Variants in HIBCH observed in about 807,000 individuals in gnomAD.
HIBCH encodes the protein 3-hydroxyisobutyryl-CoA hydrolase.
HIBCH carries 50 observed loss-of-function variants against 58.2 expected under a neutral mutation model. The ratio of observed to expected loss-of-function variants is 0.86; its 90% CI spans 0.68 to 1.09. The LOEUF is 1.09. Among genes scored for constraint, HIBCH ranks in the 50% least tolerant of loss-of-function variants. The pLI is 0.00. For missense variants in HIBCH, 450 were observed against 449.7 expected, an observed-to-expected ratio of 1.00 and a Z score of -0.01; for synonymous variants, 151 against 146.9, an observed-to-expected ratio of 1.03 and a Z score of -0.20.
chr2:190,205,744 C>T (rs1690374231), intron 13 of HIBCH, among the ~76,000 whole-genome samples: 1 of 152,124 alleles, frequency 6.6e-6, no homozygotes, highest in African/African-American at 2.4e-5. Flanking sequence ...CCAGTTCAGA[C>T]AGCTCTGGAT....
At position 190,243,601 on chromosome 2, in the gene HIBCH, C is replaced by T. The variant is rs1686514848; in HGVS notation, c.891+1286G>A. ...CTACCTGCTCTAATTTATGCCCATC[C>T]TTGAAAGTTAACAAAATTTTAATAC... On this transcript the variant is annotated intron_variant, in intron 11 of 13. Transcript: ENST00000359678. The surrounding 1 kb of genome is among the most constrained non-coding windows in gnomAD (Gnocchi z 4.1). Among the ~76,000 whole-genome samples, 1 of 152,100 alleles carries T rather than the reference C, an allele frequency of 6.6e-6. No homozygotes were observed. Among genetic ancestry groups the T allele is most frequent in the African/African-American group, 2.4e-5 (1 of 41,414 alleles).
chr2:190,299,822 C>T (rs1052883996), intron 2 of HIBCH, among the ~76,000 whole-genome samples: 7 of 152,130 alleles, frequency 4.6e-5, no homozygotes, highest in Non-Finnish European at 8.8e-5. Flanking sequence ...TCCTCCTATC[C>T]TCGACTCTCA....
At chr2:190,212,919 A>G in intron 12 of HIBCH, 37 bp downstream of exon 12, 1 of 1,562,110 alleles carries the variant, frequency 6.4e-7, no homozygotes, top group Non-Finnish European at 8.8e-7. Context: ...TGTTACTTTT[A>G]GAACTAAAAA....
At position 190,298,380 on chromosome 2, in the gene HIBCH, C is replaced by T. The variant is rs1022569249; in HGVS notation, c.79-1427G>A. On this transcript the variant is annotated intron_variant, in intron 2 of 13. Coordinates refer to ENST00000359678, the MANE Select transcript of HIBCH (RefSeq NM_014362.4). ...TACACTCCCACCAACAGCGTAAAAG[C>T]GTTCTTATTTCTCCGCAGCCTCACC... is the stretch of plus-strand genomic sequence containing the variant. 3.4e-5 allele frequency among the ~76,000 whole-genome samples: 5 copies of T among 148,220 alleles called. No individual in the cohort carries two copies. In the East Asian group the frequency reaches 5.8e-4, roughly 17 times the overall value.
intron 8 of HIBCH, among the ~76,000 whole-genome samples, chr2:190,250,822 C>A (rs1236077633): frequency 2.6e-5 from 4 of 152,168 alleles, no homozygotes; most frequent in African/African-American, 7.2e-5. Context: ...CAAAGCTCAT[C>A]AACATAAAAA....
chr2:190,198,517 A>T (rs558383744), intron 1 of HIBCH, among the ~76,000 whole-genome samples: 5 of 151,420 alleles, frequency 3.3e-5, no homozygotes, highest in Non-Finnish European at 5.9e-5. Flanking sequence ...CCTGCAGGCC[A>T]GCTACTCAGT....
At position 190,279,253 on chromosome 2, in the gene HIBCH, T is replaced by G. The variant is rs991741032; in HGVS notation, c.438+8333A>C. The stretch of plus-strand genomic sequence containing the variant: ...CTACCCTCATGACCCCATCACCTCT[T>G]GAAGGCCTCACTTCTTAATACTGTT... On this transcript the variant is annotated intron_variant, in intron 6 of 13. Coordinates refer to ENST00000359678, the MANE Select transcript of HIBCH (RefSeq NM_014362.4). The surrounding 1 kb of genome is among the most constrained non-coding windows in gnomAD (Gnocchi z 4.2). Among the ~76,000 whole-genome samples, 1 of 150,222 alleles carries G rather than the reference T, an allele frequency of 6.7e-6. No individual in the cohort carries two copies. Among genetic ancestry groups the G allele is most frequent in the Non-Finnish European group, 1.5e-5 (1 of 68,016 alleles).
chr2:190,293,460 AAAAAT>A (rs940200125), intron 4 of HIBCH, among the ~76,000 whole-genome samples: 45 of 151,986 alleles, frequency 3.0e-4, no homozygotes, highest in African/African-American at 1.0e-3. Context: ...TCTCAAAAAA[AAAAAT>A]AAATAAATAA....
intron 1 of HIBCH, among the ~76,000 whole-genome samples, chr2:190,313,057 C>T (rs1179281396): frequency 6.6e-6 from 1 of 152,212 alleles, no homozygotes; most frequent in Non-Finnish European, 1.5e-5. Flanking sequence ...AAAGTTTCCT[C>T]TTCAAAGTTT....
downstream of HIBCH, among the ~76,000 whole-genome samples, chr2:190,198,969 G>A (rs1030296597): frequency 6.6e-6 from 1 of 152,148 alleles, no homozygotes; most frequent in Admixed American, 6.6e-5. Flanking sequence ...CTTAATCTGA[G>A]CTTCTGTACA....
At chr2:190,260,355 C>T (rs566287622) in intron 7 of HIBCH, 1 of 152,178 alleles carries the variant, frequency 6.6e-6, no homozygotes, top group Admixed American at 6.5e-5. Context: ...GACCTATAAA[C>T]TGAAAACTAA....
At chr2:190,313,400 C>T (rs909103476) in intron 1 of HIBCH, among the ~76,000 whole-genome samples, 2 of 152,076 alleles carry the variant, frequency 1.3e-5, no homozygotes, top group South Asian at 2.1e-4. Context: ...AACCCAAATG[C>T]GTAAGGGATA....
chr2:190,267,727 T>A (rs539957871), intron 6 of HIBCH, among the ~76,000 whole-genome samples: 1 of 152,186 alleles, frequency 6.6e-6, no homozygotes, highest in African/African-American at 2.4e-5. Flanking sequence ...GATATTAAAA[T>A]GGTAAAAAGC....
chr2:190,313,506 T>C (rs575303394), intron 1 of HIBCH, among the ~76,000 whole-genome samples: 1 of 152,248 alleles, frequency 6.6e-6, no homozygotes, highest in South Asian at 2.1e-4. Context: ...GCCTTGCTGA[T>C]AAATCTTTTG....
At chr2:190,196,344 A>AATGAATTTTTCATTTCACATCTTGTAC (rs1158662696) in intron 1 of HIBCH, among the ~76,000 whole-genome samples, 19 of 152,148 alleles carry the variant, frequency 1.2e-4, no homozygotes, top group Non-Finnish European at 2.5e-4. Context: ...TAGTCCACAC[A>AATGAATTTTTCATTTCACATCTTGTAC]ATGAATTTTT....
In HIBCH at chr2:190,290,356, A is replaced by ATT. The variant is rs1315399510; in HGVS notation, c.385+48_385+49insAA. On this transcript the variant is annotated intron_variant, in intron 5 of 13. Coordinates refer to ENST00000359678, the MANE Select transcript of HIBCH (RefSeq NM_014362.4). ...ATTTTTAACAAAGTACATACTGTCCACCTCATTTCTTTATTCCATTTCCAA... is the reference window on the plus strand; with the variant it reads ...ATTTTTAACAAAGTACATACTGTCCATTCCTCATTTCTTTATTCCATTTCCAA... 3 of 1,243,764 alleles carry ATT rather than the reference A, an allele frequency of 2.4e-6. 1 individual carries two copies. The South Asian group carries it at 3.6e-5, about 15-fold the overall frequency. 77.0% of individuals were successfully genotyped at this position (1,243,764 alleles called of 1,614,324 possible). A position where few individuals can be genotyped will look rare whatever the true frequency, so the allele number is the denominator to read the frequency against.
Position 190,236,535 on chromosome 2 carries a change from AAAC to A in HIBCH, c.891+8349_891+8351del, listed in dbSNP as rs760588821. On this transcript the variant is annotated intron_variant, in intron 11 of 13. Transcript: ENST00000359678. This position sits in a 1 kb window ranked among gnomAD's most constrained non-coding sequence, Gnocchi z 4.1. ...AACCAATACAAATACAAAATATTTA[AAAC>A]AAGAACAAGTCAATGTCTATTTCAT... 1.3e-5 allele frequency among the ~76,000 whole-genome samples: 2 copies of A among 152,236 alleles called. No individual in the cohort carries two copies. Among genetic ancestry groups the A allele is most frequent in the African/African-American group, 2.4e-5 (1 of 41,478 alleles).
At chr2:190,303,836 T>C (rs1037392154) in intron 2 of HIBCH, among the ~76,000 whole-genome samples, 1 of 152,100 alleles carries the variant, frequency 6.6e-6, no homozygotes, top group African/African-American at 2.4e-5. Flanking sequence ...GTCATGTAGA[T>C]ACCATGTACT....
chr2:190,265,453 C>T (rs1575735543), intron 6 of HIBCH, among the ~76,000 whole-genome samples: 1 of 133,358 alleles, frequency 7.5e-6, no homozygotes, highest in South Asian at 2.3e-4. Flanking sequence ...CAATCTTTTG[C>T]TCTTTTTTTT....
Sources: gnomAD v4.1 joint callset for allele counts (sites outside exome capture counted in the v4.1 genomes callset) on GRCh38, gnomAD v4.1.1 for gene constraint, Gnocchi (gnomAD v3.1) non-coding constraint, MANE v1.5 for transcripts, NCBI Gene and HGNC (gene_info 2026-07-23, HGNC 2026-07-21) for gene names.